The following VTI1A variants were observed in gnomAD, a reference collection of about 807,000 sequenced individuals.
VTI1A encodes vesicle transport through interaction with t-SNAREs 1A.
In VTI1A, 22 loss-of-function variants were observed where a neutral mutation model predicts 34.9. The observed-to-expected ratio is 0.63, with a 90% confidence interval of 0.45 to 0.90. The LOEUF is 0.90. Ranked by LOEUF, VTI1A falls within the 40% of genes least tolerant of loss-of-function variation. The pLI is 0.00. For missense variants in VTI1A, 268 were observed against 275.6 expected (o/e 0.97, Z 0.20); for synonymous variants, 87 against 97.3 (o/e 0.89, Z 0.62).
At chr10:112,536,481 C>T (rs1850617646) in intron 4 of VTI1A, among the ~76,000 whole-genome samples, 1 of 152,178 alleles carries the variant, frequency 6.6e-6, no homozygotes, top group African/African-American at 2.4e-5. Context: ...CAATGCCAGA[C>T]ACACAGAGCT....
intron 3 of VTI1A, among the ~76,000 whole-genome samples, chr10:112,483,134 G>A (rs1042831628): frequency 1.3e-5 from 2 of 152,148 alleles, no homozygotes; most frequent in Non-Finnish European, 2.9e-5. Context: ...CTCAAGCAAC[G>A]ATCTGCCTAC....
At chr10:112,593,352 C>T (rs1030082709) in intron 5 of VTI1A, among the ~76,000 whole-genome samples, 3 of 152,090 alleles carry the variant, frequency 2.0e-5, no homozygotes, top group Admixed American at 6.5e-5. Flanking sequence ...TTTCTGAGTT[C>T]GTGGTGAAAA....
chr10:112,571,115 A>G (rs1852100505), intron 5 of VTI1A, among the ~76,000 whole-genome samples: 1 of 152,174 alleles, frequency 6.6e-6, no homozygotes, highest in South Asian at 2.1e-4. Flanking sequence ...TCTTTATTTT[A>G]CATGTGAAGA....
chr10:112,507,277 G>A (rs1849464064), intron 3 of VTI1A, among the ~76,000 whole-genome samples: 1 of 152,128 alleles, frequency 6.6e-6, no homozygotes, highest in Admixed American at 6.5e-5. Context: ...GCCACAGGGA[G>A]GTTTTCCTGT....
chr10:112,452,060 A>G (rs949788428), intron 1 of VTI1A, among the ~76,000 whole-genome samples: 2 of 152,210 alleles, frequency 1.3e-5, no homozygotes, highest in East Asian at 3.9e-4. Flanking sequence ...TGTGACTTGC[A>G]TTATATTTCT....
At chr10:112,523,430 T>C (rs973333821) in intron 3 of VTI1A, among the ~76,000 whole-genome samples, 7 of 152,124 alleles carry the variant, frequency 4.6e-5, no homozygotes, top group Admixed American at 6.6e-5. Flanking sequence ...TTATTTGTCA[T>C]ATTTTTTTCT....
At chr10:112,610,175 CTT>C (rs11333912) in intron 5 of VTI1A, among the ~76,000 whole-genome samples, 137 of 145,908 alleles carry the variant, frequency 9.4e-4, no homozygotes, top group Admixed American at 3.2e-3. Context: ...CTTTTCCAGT[CTT>C]TTTTTTTTTT....
intron 5 of VTI1A, among the ~76,000 whole-genome samples, chr10:112,646,473 A>G (rs1158250540): frequency 6.6e-6 from 1 of 151,984 alleles, no homozygotes; most frequent in Non-Finnish European, 1.5e-5. Context: ...GGAAATGTGA[A>G]TTGTGGGTGA....
intron 5 of VTI1A, among the ~76,000 whole-genome samples, chr10:112,656,290 A>T (rs1268854335): frequency 1.3e-5 from 2 of 151,570 alleles, no homozygotes; most frequent in Non-Finnish European, 2.9e-5. Flanking sequence ...GTGTTTGTTG[A>T]CCTTATTCTC....
chr10:112,599,607 G>C (rs1202489992), intron 5 of VTI1A, among the ~76,000 whole-genome samples: 5 of 152,006 alleles, frequency 3.3e-5, no homozygotes, highest in African/African-American at 1.2e-4. Flanking sequence ...TTTAAACAGA[G>C]TCTCACCTGT....
intron 3 of VTI1A, among the ~76,000 whole-genome samples, chr10:112,494,181 T>C (rs1250239118): frequency 6.6e-6 from 1 of 152,174 alleles, no homozygotes; most frequent in African/African-American, 2.4e-5. Flanking sequence ...ATTTATAGAT[T>C]TCTAGCAATT....
rs540416829 is a variant in VTI1A, at chr10:112,808,641, A to G, written c.561-6649A>G. Among the ~76,000 whole-genome samples, 231 of 151,952 alleles carry G rather than the reference A, an allele frequency of 1.5e-3. 1 individual carries two copies. Among genetic ancestry groups the G allele is most frequent in the Middle Eastern group, 6.8e-3 (2 of 292 alleles). On this transcript the variant is annotated intron_variant, in intron 7 of 7. Coordinates refer to ENST00000393077, the MANE Select transcript of VTI1A (RefSeq NM_145206.4). ...CTCCATCTCAAAAAAAAAAAAAAAAAAAAGAAAGCGAGAGAATCCCCAACC... is the reference window on the plus strand; with the variant it reads ...CTCCATCTCAAAAAAAAAAAAAAAAGAAAGAAAGCGAGAGAATCCCCAACC...
rs1853545392 is a variant in VTI1A at position 112,817,099 on chromosome 10, A to T, written c.*1716A>T. 1 of 232,570 alleles carries T rather than the reference A, an allele frequency of 4.3e-6. No individual in the cohort carries two copies. Among genetic ancestry groups the T allele is most frequent in the South Asian group, 1.8e-4 (1 of 5,530 alleles). 14.4% of individuals were successfully genotyped at this position (232,570 alleles called of 1,614,324 possible). On this transcript the variant is annotated 3_prime_UTR_variant, in exon 8 of 8. Transcript: ENST00000393077. ...TTGTATTCTGATAACGGAATGCTGT[A>T]CGTGCTGACCACATCTAAGAACCAT...
chr10:112,659,239 G>A (rs1847355035), intron 5 of VTI1A, among the ~76,000 whole-genome samples: 1 of 152,144 alleles, frequency 6.6e-6, no homozygotes, highest in Admixed American at 6.6e-5. Context: ...CCTTTGGAAT[G>A]TGTTTTGACA....
chr10:112,604,421 CT>C (rs1241052472), intron 5 of VTI1A, among the ~76,000 whole-genome samples: 5 of 152,188 alleles, frequency 3.3e-5, no homozygotes, highest in African/African-American at 9.7e-5. Context: ...TTTCTTCCCC[CT>C]CTCTAACTCG....
intron 7 of VTI1A, among the ~76,000 whole-genome samples, chr10:112,763,198 T>C (rs1041139433): frequency 6.6e-6 from 1 of 152,038 alleles, no homozygotes; most frequent in African/African-American, 2.4e-5. Context: ...CCCAGCACTT[T>C]GGGAGGTCGA....
rs1296858688 is a variant in VTI1A at position 112,817,322 on chromosome 10, C to T, written c.*1939C>T. 4.3e-6 allele frequency: 1 copy of T among 232,518 alleles called. No homozygotes were observed. Among genetic ancestry groups the T allele is most frequent in the Non-Finnish European group, 8.5e-6 (1 of 117,558 alleles). 14.4% of individuals were successfully genotyped at this position (232,518 alleles called of 1,614,324 possible). A position where few individuals can be genotyped will look rare whatever the true frequency, so the allele number is the denominator to read the frequency against. ...ACTCTTCCCAAGGCCACCTAGCAAG[C>T]AAGGTTGATCGGATCATCTAAACTG... On this transcript the variant is annotated 3_prime_UTR_variant, in exon 8 of 8. Coordinates refer to ENST00000393077, the MANE Select transcript of VTI1A (RefSeq NM_145206.4).
chr10:112,731,637 C>T (rs896086052), intron 7 of VTI1A, among the ~76,000 whole-genome samples: 1 of 151,036 alleles, frequency 6.6e-6, no homozygotes, highest in Non-Finnish European at 1.5e-5. Flanking sequence ...AGGAAGATTA[C>T]TCAGTTAAGT....
At chr10:112,651,433 C>T (rs906519845) in intron 5 of VTI1A, among the ~76,000 whole-genome samples, 1 of 152,176 alleles carries the variant, frequency 6.6e-6, no homozygotes, top group East Asian at 1.9e-4. Flanking sequence ...GCCTCAGCCT[C>T]CTGAATAGCT....
Sources: allele counts gnomAD v4.1 joint callset (sites outside exome capture counted in the v4.1 genomes callset), GRCh38; gene constraint gnomAD v4.1.1; transcripts MANE v1.5; gene names NCBI Gene and HGNC (gene_info 2026-07-23, HGNC 2026-07-21).